The following SV2B variants were observed in gnomAD, a reference collection of about 807,000 sequenced individuals.
SV2B encodes the protein solute carrier family 22 member B2.
Under a neutral mutation model 73.9 loss-of-function variants are expected in SV2B, and 41 were observed. That is an observed-to-expected ratio of 0.56 (90% CI 0.43 to 0.72). The LOEUF (loss-of-function observed/expected upper bound fraction) is 0.72. Among genes scored for constraint, SV2B ranks in the 30% least tolerant of loss-of-function variants. The pLI is 0.00. For synonymous variants in SV2B, 314 were observed against 314.2 expected (o/e 1.00, Z 0.01); for missense variants, 764 against 857.8 (o/e 0.89, Z 1.37).
At chr15:91,203,492 G>C (rs2045531325) in intron 1 of SV2B, among the ~76,000 whole-genome samples, 1 of 152,226 alleles carries the variant, frequency 6.6e-6, no homozygotes, top group Non-Finnish European at 1.5e-5. Context: ...AACTGTAAAA[G>C]TTAACAGCTT....
chr15:91,259,658 TC>T (rs1443161923), intron 5 of SV2B, among the ~76,000 whole-genome samples: 1 of 152,206 alleles, frequency 6.6e-6, no homozygotes, highest in Non-Finnish European at 1.5e-5. Flanking sequence ...GGAGACTCCT[TC>T]CTTGCCTCTT....
Position 91,102,769 on chromosome 15 carries a change from G to T in SV2B, c.-392+2406G>T, listed in dbSNP as rs188171619. Among the ~76,000 whole-genome samples the T allele has an allele frequency of 3.0e-4, 45 of 152,364 alleles. 3 individuals carry two copies. The highest frequency in any genetic ancestry group is 1.1e-3 in the African/African-American group (45 of 41,588). On this transcript the variant is annotated intron_variant, in intron 1 of 12. Transcript: ENST00000394232. ...GGGGCTTGTTATTTATTTTTATACA[G>T]CTTGGCCAGGGAAGGCTTTTTGGTA...
intron 1 of SV2B, among the ~76,000 whole-genome samples, chr15:91,163,069 C>T (rs943357771): frequency 3.9e-5 from 6 of 152,156 alleles, no homozygotes; most frequent in African/African-American, 2.4e-5. Context: ...CAGCTTCATC[C>T]GTGTCCCTAC....
At chr15:91,275,048 A>G (rs61594879) in intron 9 of SV2B, among the ~76,000 whole-genome samples, 14,579 of 152,138 alleles carry the variant, frequency 0.096, 763 homozygotes, top group Non-Finnish European at 0.11. Flanking sequence ...TGTAATTAAT[A>G]TATAGTTAGG....
In SV2B at chr15:91,261,191, A is replaced by C. The variant is rs1026051651; in HGVS notation, c.1008+782A>C. 2.0e-5 allele frequency among the ~76,000 whole-genome samples: 3 copies of C among 152,126 alleles called. No individual in the cohort carries two copies. Among genetic ancestry groups the C allele is most frequent in the African/African-American group, 7.2e-5 (3 of 41,412 alleles). On this transcript the variant is annotated intron_variant, in intron 6 of 12. Coordinates refer to ENST00000394232, the MANE Select transcript of SV2B (RefSeq NM_001323032.3). This position sits in a 1 kb window ranked among gnomAD's most constrained non-coding sequence, Gnocchi z 4.7. ...GGCAGGAGAATTGCTTGAACCCAGG[A>C]TGCAGAGGTTGCAGTGAGCTGAGAT... is the stretch of plus-strand genomic sequence containing the variant.
intron 9 of SV2B, among the ~76,000 whole-genome samples, chr15:91,270,870 C>CGGTGAGTCCTGTGGACGATGGGA (rs2048278791): frequency 1.5e-5 from 1 of 68,466 alleles, no homozygotes; most frequent in African/African-American, 9.9e-5. Flanking sequence ...GGATGATGGG[C>CGGTGAGTCCTGTGGACGATGGGA]GGACGGTGAA....
chr15:91,270,867 GGGCGGACGGTGAATCTTGTGGATGA>G (rs2048278268), intron 9 of SV2B, among the ~76,000 whole-genome samples: 1 of 107,694 alleles, frequency 9.3e-6, no homozygotes, highest in African/African-American at 4.6e-5. Flanking sequence ...TGTGGATGAT[GGGCGGACGGTGAATCTTGTGGATGA>G]TGGGAGGACG....
At chr15:91,116,595 T>G (rs1172048337) in intron 1 of SV2B, among the ~76,000 whole-genome samples, 3 of 152,208 alleles carry the variant, frequency 2.0e-5, no homozygotes, top group East Asian at 1.9e-4. Context: ...AGAAGGGTCA[T>G]GCATTCTGGA....
chr15:91,123,226 A>G lies in SV2B; in HGVS notation c.-392+22863A>G, dbSNP rs2042386806. ...GAGTTCATTAAAGCTGCAGTGAGCC[A>G]TGTTCATACCACTGCATTGCAGCCT... On this transcript the variant is annotated intron_variant, in intron 1 of 12. Coordinates refer to ENST00000394232, the MANE Select transcript of SV2B (RefSeq NM_001323032.3). The surrounding 1 kb of genome is among the most constrained non-coding windows in gnomAD (Gnocchi z 4.7). Among the ~76,000 whole-genome samples the G allele has an allele frequency of 2.0e-5, 3 of 152,224 alleles. No individual in the cohort carries two copies. Among genetic ancestry groups the G allele is most frequent in the East Asian group, 3.8e-4 (2 of 5,196 alleles).
intron 9 of SV2B, among the ~76,000 whole-genome samples, chr15:91,275,475 A>G (rs543590718): frequency 1.3e-5 from 2 of 152,288 alleles, no homozygotes; most frequent in Admixed American, 6.5e-5. Flanking sequence ...AACACGTGAT[A>G]TATTGCTACT....
chr15:91,227,733 T>A lies in SV2B; in HGVS notation c.451+1019T>A, dbSNP rs575572886. ...AATAGCTTTTGTCTCTCAAATAATT[T>A]GCATGTAGTTGAACAAACAGACATT... is the stretch of plus-strand genomic sequence containing the variant. On this transcript the variant is annotated intron_variant, in intron 2 of 12. Coordinates refer to ENST00000394232, the MANE Select transcript of SV2B (RefSeq NM_001323032.3). This position sits in a 1 kb window ranked among gnomAD's most constrained non-coding sequence, Gnocchi z 4.5. Among the ~76,000 whole-genome samples the A allele has an allele frequency of 2.0e-5, 3 of 152,364 alleles. No homozygotes were observed. The highest frequency in any genetic ancestry group is 7.2e-5 in the African/African-American group (3 of 41,584).
At chr15:91,278,757 G>T (rs185528051) in intron 9 of SV2B, among the ~76,000 whole-genome samples, 1 of 151,350 alleles carries the variant, frequency 6.6e-6, no homozygotes, top group East Asian at 1.9e-4. Context: ...AGCAAATTAG[G>T]CCCAAGTACA....
chr15:91,204,750 G>A (rs535125648), intron 1 of SV2B, among the ~76,000 whole-genome samples: 1 of 152,102 alleles, frequency 6.6e-6, no homozygotes, highest in East Asian at 1.9e-4. Flanking sequence ...TAGAGATGAA[G>A]TCTTGCTATG....
chr15:91,110,159 A>G lies in SV2B; in HGVS notation c.-392+9796A>G, dbSNP rs2041998809. Among the ~76,000 whole-genome samples, 1 of 152,162 alleles carries G rather than the reference A, an allele frequency of 6.6e-6. No homozygotes were observed. The highest frequency in any genetic ancestry group is 2.4e-5 in the African/African-American group (1 of 41,442). ...CTGTTCCTTCTTCTTAGCAGTGTTCATTTGCATGTTTCTCTCATGAAATGA... is the reference window on the plus strand; with the variant it reads ...CTGTTCCTTCTTCTTAGCAGTGTTCGTTTGCATGTTTCTCTCATGAAATGA... On this transcript the variant is annotated intron_variant, in intron 1 of 12. Transcript: ENST00000394232. This position sits in a 1 kb window ranked among gnomAD's most constrained non-coding sequence, Gnocchi z 5.4.
At chr15:91,183,568 G>A (rs2044664018) in intron 1 of SV2B, among the ~76,000 whole-genome samples, 1 of 152,172 alleles carries the variant, frequency 6.6e-6, no homozygotes, top group South Asian at 2.1e-4. Flanking sequence ...CACAGTAGGT[G>A]CCATCATAGG....
rs1207493165 is a variant in SV2B, at chr15:91,293,292, G to A, written c.*740G>A. 6.6e-6 allele frequency: 1 copy of A among 152,126 alleles called. No homozygotes were observed. 9.4% of individuals were successfully genotyped at this position (152,126 alleles called of 1,614,324 possible). A position where few individuals can be genotyped will look rare whatever the true frequency, so the allele number is the denominator to read the frequency against. ...TATTTGGGTTTAATTTCCACAACTGGTATCTGCAAATATTGCCAGCATTTT... is the reference window on the plus strand; with the variant it reads ...TATTTGGGTTTAATTTCCACAACTGATATCTGCAAATATTGCCAGCATTTT... On this transcript the variant is annotated 3_prime_UTR_variant, in exon 13 of 13. Coordinates refer to ENST00000394232, the MANE Select transcript of SV2B (RefSeq NM_001323032.3).
chr15:91,206,097 G>A lies in SV2B; in HGVS notation c.-391-19776G>A, dbSNP rs139445923. ...CTGTTGCCCTGGCTGGAGTACAGTG[G>A]TGCAATCCTAGCTCACTGCTGCCTT... On this transcript the variant is annotated intron_variant, in intron 1 of 12. Transcript: ENST00000394232. Among the ~76,000 whole-genome samples, 727 of 152,078 alleles carry A rather than the reference G, an allele frequency of 4.8e-3. 1 individual carries two copies. The highest frequency in any genetic ancestry group is 8.0e-3 in the Non-Finnish European group (543 of 67,998).
chr15:91,243,764 G>C (rs1431533545), intron 2 of SV2B, among the ~76,000 whole-genome samples: 1 of 152,086 alleles, frequency 6.6e-6, no homozygotes, highest in Non-Finnish European at 1.5e-5. Flanking sequence ...CTGATTTAAG[G>C]CTCTGTCCTT....
At chr15:91,216,123 G>C (rs556072275) in intron 1 of SV2B, among the ~76,000 whole-genome samples, 2 of 152,104 alleles carry the variant, frequency 1.3e-5, no homozygotes, top group Non-Finnish European at 2.9e-5. Flanking sequence ...GTTGTAAGTG[G>C]GGCGAGTGCA....
Sources: allele counts gnomAD v4.1 joint callset (sites outside exome capture counted in the v4.1 genomes callset), GRCh38; gene constraint gnomAD v4.1.1; non-coding constraint Gnocchi (gnomAD v3.1); transcripts MANE v1.5; gene names NCBI Gene and HGNC (gene_info 2026-07-23, HGNC 2026-07-21).